The following ALK variants were observed in gnomAD, a reference collection of about 807,000 sequenced individuals.
ALK encodes ALK tyrosine kinase receptor.
Under a neutral mutation model 163.1 loss-of-function variants are expected in ALK, and 74 were observed. That is an observed-to-expected ratio of 0.45 (90% CI 0.38 to 0.55). ALK has a LOEUF of 0.55. ALK is among the 20% of genes least tolerant of loss of function. The pLI is 0.00. For missense variants in ALK, 2,063 were observed against 2,105.3 expected (o/e 0.98, Z 0.39); for synonymous variants, 960 against 843.2 (o/e 1.14, Z -2.40).
intron 1 of ALK, among the ~76,000 whole-genome samples, chr2:29,880,091 T>A (rs1666816033): frequency 6.6e-6 from 1 of 152,192 alleles, no homozygotes. Flanking sequence ...GAAAGGGGAT[T>A]TGGGAAATGC....
At position 29,318,382 on chromosome 2, in the gene ALK, G is replaced by T. The variant is rs1396066431; in HGVS notation, c.1569C>A (p.Thr523=). 1 of 1,613,502 alleles carries T rather than the reference G, an allele frequency of 6.2e-7. No individual in the cohort carries two copies. The highest frequency in any genetic ancestry group is 8.5e-7 in the Non-Finnish European group (1 of 1,179,490). The change falls in exon 8 of 29, where the codon ACC becomes ACA. Residue 523 remains threonine (T), a synonymous_variant. Coordinates refer to ENST00000389048, the MANE Select transcript of ALK (RefSeq NM_004304.5). The stretch of plus-strand genomic sequence containing the variant: ...CACTTTCAGAAGCGGGGACATCAGT[G>T]GTACTGAGCAATAGAGCATGGTCTA... ...DHQDHALLLS[T]TDVPASESAT...
intron 1 of ALK, among the ~76,000 whole-genome samples, chr2:29,830,712 TTAAAAAAAAAAAAAAAAAA>T (rs1394916067): frequency 3.1e-4 from 20 of 63,512 alleles, no homozygotes; most frequent in African/African-American, 6.9e-4. Flanking sequence ...CTAAAATAGT[TTAAAAAAAAAAAAAAAAAA>T]AAAAAAAAAA....
intron 3 of ALK, among the ~76,000 whole-genome samples, chr2:29,640,048 C>T (rs1676656504): frequency 2.0e-5 from 3 of 152,164 alleles, no homozygotes; most frequent in African/African-American, 7.2e-5. Context: ...GATGCAACTA[C>T]AGAAGAAGAA....
intron 4 of ALK, among the ~76,000 whole-genome samples, chr2:29,443,776 T>C (rs186913769): frequency 6.6e-6 from 1 of 152,280 alleles, no homozygotes; most frequent in African/African-American, 2.4e-5. Flanking sequence ...AAGCAATTGA[T>C]GGTGAATCAG....
intron 4 of ALK, among the ~76,000 whole-genome samples, chr2:29,443,496 C>T (rs954543662): frequency 6.6e-6 from 1 of 152,140 alleles, no homozygotes; most frequent in Non-Finnish European, 1.5e-5. Flanking sequence ...GGCTCCCTTC[C>T]AGTTTGGGGG....
chr2:29,316,623 C>T (rs562376986), intron 8 of ALK, among the ~76,000 whole-genome samples: 10 of 152,220 alleles, frequency 6.6e-5, no homozygotes, highest in Non-Finnish European at 1.0e-4. Context: ...CCGTCCTCTC[C>T]GGTGGGCCAA....
At chr2:29,257,310 C>T (rs534058625) in intron 11 of ALK, among the ~76,000 whole-genome samples, 1 of 152,226 alleles carries the variant, frequency 6.6e-6, no homozygotes, top group Admixed American at 6.5e-5. Context: ...GTTTAATACT[C>T]ATTCATATCT....
chr2:29,217,717 T>C (rs1158627122), intron 23 of ALK, among the ~76,000 whole-genome samples: 1 of 152,156 alleles, frequency 6.6e-6, no homozygotes, highest in Non-Finnish European at 1.5e-5. Flanking sequence ...CCTCTGATTC[T>C]GCACCTCAAG....
At chr2:29,559,768 C>CGTGTGTGTGTGT (rs56285031) in intron 3 of ALK, among the ~76,000 whole-genome samples, 3,756 of 143,062 alleles carry the variant, frequency 0.026, 69 homozygotes, top group East Asian at 0.05. Context: ...GGAGCATGTA[C>CGTGTGTGTGTGT]GTGTGTGTGT....
At chr2:29,907,880 G>A (rs931287162) in intron 1 of ALK, among the ~76,000 whole-genome samples, 1 of 151,972 alleles carries the variant, frequency 6.6e-6, no homozygotes, top group Non-Finnish European at 1.5e-5. Flanking sequence ...CCTCAAACCA[G>A]ATCCTCTTCC....
chr2:29,418,317 C>T (rs1669929102), intron 4 of ALK, among the ~76,000 whole-genome samples: 1 of 152,170 alleles, frequency 6.6e-6, no homozygotes, highest in Admixed American at 6.5e-5. Context: ...ACTAGAAAAC[C>T]TAGCCCCGAG....
chr2:29,234,110 A>T (rs1664304491), intron 13 of ALK, among the ~76,000 whole-genome samples: 1 of 152,064 alleles, frequency 6.6e-6, no homozygotes, highest in Non-Finnish European at 1.5e-5. Context: ...CGTGGGGGAA[A>T]AGCACAAGGG....
intron 13 of ALK, 60 bp from the exon 14 acceptor site, chr2:29,233,756 A>G: frequency 5.6e-6 from 9 of 1,610,404 alleles, no homozygotes; most frequent in Non-Finnish European, 6.8e-6. Context: ...ACTTTGCAGC[A>G]GACAGAACTT....
At chr2:29,473,122 G>C (rs759655184) in intron 4 of ALK, among the ~76,000 whole-genome samples, 24 of 152,210 alleles carry the variant, frequency 1.6e-4, no homozygotes, top group Non-Finnish European at 2.6e-4. Context: ...ATATTATAAA[G>C]CTCCTGTATT....
chr2:29,845,672 G>A (rs1335228743), intron 1 of ALK, among the ~76,000 whole-genome samples: 1 of 152,184 alleles, frequency 6.6e-6, no homozygotes, highest in Non-Finnish European at 1.5e-5. Flanking sequence ...GACCTCAGGT[G>A]ATCCACCTGC....
chr2:29,735,163 G>T (rs890939989), intron 1 of ALK, among the ~76,000 whole-genome samples: 11 of 151,114 alleles, frequency 7.3e-5, no homozygotes, highest in Non-Finnish European at 1.6e-4. Flanking sequence ...ATGGAAATGG[G>T]TAAGGAGAGG....
intron 16 of ALK, 89 bp downstream of exon 16, chr2:29,228,795 G>T (rs1025863736): frequency 1.5e-5 from 13 of 879,000 alleles, no homozygotes; most frequent in African/African-American, 5.0e-5. Context: ...GGGCAGGCCA[G>T]GGGAGGGCAG....
intron 4 of ALK, among the ~76,000 whole-genome samples, chr2:29,413,439 C>T (rs1669781278): frequency 6.6e-6 from 1 of 152,110 alleles, no homozygotes; most frequent in South Asian, 2.1e-4. Context: ...CTCCGCCTCC[C>T]AGGTTCAATT....
rs878854658 is a variant in ALK, at chr2:29,193,551, T to C, written c.4536A>G (p.Thr1512=). 1 of 1,614,244 alleles carries C rather than the reference T, an allele frequency of 6.2e-7. No homozygotes were observed. Among genetic ancestry groups the C allele is most frequent in the Non-Finnish European group, 8.5e-7 (1 of 1,180,042 alleles). ...GATTATTCTTTTTGGTGGGTTTCTC[T>C]GTAAACCAGGAGCCGTACGTTGGGT... is the stretch of plus-strand genomic sequence containing the variant. ...LWNPTYGSWF[T]EKPTKKNNPI... The change falls in exon 29 of 29, where the codon ACA becomes ACG. Residue 1512 remains threonine, a synonymous_variant. Transcript: ENST00000389048.
Sources: allele counts gnomAD v4.1 joint callset (sites outside exome capture counted in the v4.1 genomes callset), GRCh38; gene constraint gnomAD v4.1.1; transcripts MANE v1.5; gene names NCBI Gene and HGNC (gene_info 2026-07-23, HGNC 2026-07-21).